Variants in CAST observed in about 807,000 individuals in gnomAD.
CAST encodes MIR583 host.
CAST carries 76 observed loss-of-function variants against 119.6 expected under a neutral mutation model. That is an observed-to-expected ratio of 0.64 (90% CI 0.53 to 0.77). The LOEUF (loss-of-function observed/expected upper bound fraction) is 0.77, where lower values mean the gene tolerates loss of function less well. CAST is among the 30% of genes least tolerant of loss of function. CAST has a pLI of 0.00. For missense variants in CAST, 953 were observed against 946.5 expected, an observed-to-expected ratio of 1.01 and a Z score of -0.09; for synonymous variants, 319 against 331.6, an observed-to-expected ratio of 0.96 and a Z score of 0.41.
intron 16 of CAST, among the ~76,000 whole-genome samples, chr5:96,745,690 T>C (rs1446993463): frequency 6.6e-6 from 1 of 152,264 alleles, no homozygotes; most frequent in Non-Finnish European, 1.5e-5. Context: ...TATAGAACTA[T>C]GCTTTTATTT....
At chr5:96,375,912 T>TATAA in the CAST span, among the ~76,000 whole-genome samples, 11 of 146,588 alleles carry the variant, frequency 7.5e-5, no homozygotes, top group Admixed American at 6.8e-4. Context: ...TATATATATA[T>TATAA]AAATATATAA....
the CAST span, among the ~76,000 whole-genome samples, chr5:95,971,786 T>C: frequency 2.0e-5 from 3 of 152,168 alleles, no homozygotes; most frequent in Non-Finnish European, 4.4e-5. Flanking sequence ...GTACCCGTAG[T>C]TTGTTCCTTT....
the CAST span, among the ~76,000 whole-genome samples, chr5:96,380,841 A>G: frequency 1.3e-5 from 2 of 152,230 alleles, no homozygotes; most frequent in African/African-American, 4.8e-5. Context: ...CCAAATAGCA[A>G]TGCTTGGGGG....
chr5:96,651,383 G>T (rs1748093028), intron 1 of CAST, among the ~76,000 whole-genome samples: 1 of 152,204 alleles, frequency 6.6e-6, no homozygotes, highest in Admixed American at 6.5e-5. Flanking sequence ...ATCAGTCAAT[G>T]CTGGTTTTTT....
the CAST span, among the ~76,000 whole-genome samples, chr5:96,311,686 T>C: frequency 2.0e-5 from 3 of 152,096 alleles, no homozygotes; most frequent in African/African-American, 7.2e-5. Context: ...AGTTTTTAAC[T>C]TAAAGTTTAT....
At chr5:96,575,403 C>G (rs1377725319) in intron 1 of CAST, among the ~76,000 whole-genome samples, 1 of 152,008 alleles carries the variant, frequency 6.6e-6, no homozygotes, top group Admixed American at 6.6e-5. Context: ...TTTTTCTCAA[C>G]TTATTGCAAT....
chr5:96,134,062 C>A, the CAST span, among the ~76,000 whole-genome samples: 1 of 152,176 alleles, frequency 6.6e-6, no homozygotes, highest in Non-Finnish European at 1.5e-5. Flanking sequence ...TCCGTTTCTA[C>A]AGTGAGGGAA....
the CAST span, among the ~76,000 whole-genome samples, chr5:96,294,054 C>T: frequency 4.6e-5 from 7 of 152,318 alleles, no homozygotes; most frequent in Non-Finnish European, 1.0e-4. Flanking sequence ...GCCACTGTGC[C>T]TGGCCCTGAA....
the CAST span, among the ~76,000 whole-genome samples, chr5:96,272,647 T>C: frequency 2.0e-5 from 3 of 152,074 alleles, no homozygotes; most frequent in South Asian, 6.2e-4. Context: ...GGTATAAATA[T>C]GCAGTTTGAT....
chr5:96,427,968 C>A, the CAST span, among the ~76,000 whole-genome samples: 1 of 152,034 alleles, frequency 6.6e-6, no homozygotes, highest in African/African-American at 2.4e-5. Context: ...TTTGGTCTCC[C>A]ACATCAAGCA....
intron 1 of CAST, among the ~76,000 whole-genome samples, chr5:96,577,125 T>G (rs1746686161): frequency 6.6e-6 from 1 of 152,210 alleles, no homozygotes; most frequent in Non-Finnish European, 1.5e-5. Context: ...GGATAATGGC[T>G]TCCAGCTTCA....
the CAST span, among the ~76,000 whole-genome samples, chr5:96,134,205 G>T: frequency 6.6e-6 from 1 of 152,212 alleles, no homozygotes; most frequent in South Asian, 2.1e-4. Flanking sequence ...TTTGTTTACA[G>T]AACTATTAAA....
chr5:96,460,424 T>C, the CAST span, among the ~76,000 whole-genome samples: 2 of 152,094 alleles, frequency 1.3e-5, no homozygotes, highest in African/African-American at 2.4e-5. Flanking sequence ...AAATACCTAA[T>C]GCATGCGGGG....
chr5:96,173,566 G>A, the CAST span, among the ~76,000 whole-genome samples: 7 of 152,266 alleles, frequency 4.6e-5, no homozygotes, highest in East Asian at 9.6e-4. Context: ...ACAGATAGAT[G>A]TTATGACAGT....
intron 1 of CAST, among the ~76,000 whole-genome samples, chr5:96,623,434 C>T (rs186282314): frequency 4.9e-4 from 75 of 152,284 alleles, no homozygotes; most frequent in African/African-American, 1.8e-3. Context: ...AGCCCGGACA[C>T]TCTACAGATA....
chr5:96,663,250 G>T, intron 1 of CAST: 1 of 701,980 alleles, frequency 1.4e-6, no homozygotes, highest in Non-Finnish European at 2.6e-6. Flanking sequence ...TTCTGGGCGT[G>T]CGGATGAAGC....
chr5:96,402,213 T>A, the CAST span, among the ~76,000 whole-genome samples: 1 of 152,158 alleles, frequency 6.6e-6, no homozygotes, highest in African/African-American at 2.4e-5. Context: ...TTAAAAACCG[T>A]GTGTGATTTT....
chr5:96,197,144 G>A, the CAST span, among the ~76,000 whole-genome samples: 2 of 152,114 alleles, frequency 1.3e-5, no homozygotes, highest in African/African-American at 2.4e-5. Flanking sequence ...CAGAACCACC[G>A]GGTTAGGTGA....
chr5:96,267,103 C>T, the CAST span, among the ~76,000 whole-genome samples: 1 of 151,880 alleles, frequency 6.6e-6, no homozygotes, highest in Non-Finnish European at 1.5e-5. Context: ...TGAAGACAGG[C>T]TATTTGAAAA....
Sources: allele counts gnomAD v4.1 joint callset (sites outside exome capture counted in the v4.1 genomes callset), GRCh38; gene constraint gnomAD v4.1.1; transcripts MANE v1.5; gene names NCBI Gene and HGNC (gene_info 2026-07-23, HGNC 2026-07-21).